Variants in TMEM145 observed in about 807,000 individuals in gnomAD.
TMEM145 encodes transmembrane protein 145.
Under a neutral mutation model 68.5 loss-of-function variants are expected in TMEM145, and 46 were observed. The observed-to-expected ratio is 0.67, with a 90% CI of 0.53 to 0.86. The LOEUF (loss-of-function observed/expected upper bound fraction) is 0.86, where lower values mean the gene tolerates loss of function less well. Among genes scored for constraint, TMEM145 ranks in the 40% least tolerant of loss-of-function variants. TMEM145 has a pLI of 0.00. For synonymous variants in TMEM145, 255 were observed against 280.2 expected (o/e 0.91, Z 0.90); for missense variants, 570 against 645.8 (o/e 0.88, Z 1.27).
rs779826500 is a variant in TMEM145 at position 42,316,529 on chromosome 19, A to T, written c.695A>T (p.Asp232Val). The T allele has an allele frequency of 6.2e-7, 1 of 1,614,152 alleles. No homozygotes were observed. Among genetic ancestry groups the T allele is most frequent in the East Asian group, 2.2e-5 (1 of 44,886 alleles). Residue 232 changes from aspartate to valine, a missense_variant, in exon 9 of 15, where the codon GAT (aspartate) becomes GTT (valine). By Grantham distance (152) the Asp-to-Val change is radical. Coordinates refer to ENST00000301204, the MANE Select transcript of TMEM145 (RefSeq NM_173633.3). ...FCIYWGQYAT[D>V]GIGNESVKIL... Reference sequence around the variant, plus strand: ...ATCTACTGGGGTCAATATGCCACCGATGGCATTGGCAACGAGAGTGTGAAG... The same window carrying T: ...ATCTACTGGGGTCAATATGCCACCGTTGGCATTGGCAACGAGAGTGTGAAG...
At chr19:42,320,559 A>G (rs539110546) in intron 13 of TMEM145, 122 bp downstream of exon 13, 125 of 1,417,630 alleles carry the variant, frequency 8.8e-5, no homozygotes, top group Non-Finnish European at 1.1e-4. Flanking sequence ...CCTTTTAGTC[A>G]TTCTCCCTTT....
chr19:42,317,926 G>C, intron 12 of TMEM145, 45 bp downstream of exon 12: 3 of 1,608,844 alleles, frequency 1.9e-6, no homozygotes, highest in Non-Finnish European at 2.6e-6. Context: ...CCCTCTCGGG[G>C]CTCCCCAGAA....
At chr19:42,316,586 A>T (rs1469570374) in intron 9 of TMEM145, 25 bp downstream of exon 9, 1 of 1,613,772 alleles carries the variant, frequency 6.2e-7, no homozygotes, top group South Asian at 1.1e-5. Flanking sequence ...GGGTGGGGAG[A>T]GGGTGGAGCC....
chr19:42,324,304 G>C (rs1244900855), intron 14 of TMEM145: 3 of 985,248 alleles, frequency 3.0e-6, no homozygotes, highest in South Asian at 9.4e-5. Flanking sequence ...AGGAGACAGC[G>C]GTGGCGGCGG....
intron 13 of TMEM145, chr19:42,321,368 A>T (rs953214899): frequency 8.7e-6 from 3 of 343,500 alleles, no homozygotes; most frequent in Non-Finnish European, 1.5e-5. Context: ...GGAGCACGCC[A>T]CCATGCCCGG....
intron 13 of TMEM145, chr19:42,321,533 G>C (rs748285978): frequency 2.3e-5 from 4 of 174,868 alleles, no homozygotes; most frequent in Admixed American, 6.3e-5. Context: ...GGGACTACAG[G>C]CGCCCACCAC....
At chr19:42,316,444 C>T in intron 8 of TMEM145, 37 bp from the exon 9 acceptor site, 4 of 1,598,480 alleles carry the variant, frequency 2.5e-6, no homozygotes, top group African/African-American at 2.7e-5. Context: ...CCCAGAGCTG[C>T]TTTCTATCCT....
rs879674955 is a variant in TMEM145, at chr19:42,315,460, C to G, written c.646+20C>G. 6.2e-7 allele frequency: 1 copy of G among 1,613,678 alleles called. No individual in the cohort carries two copies. Among genetic ancestry groups the G allele is most frequent in the Non-Finnish European group, 8.5e-7 (1 of 1,179,860 alleles). On this transcript the variant is annotated intron_variant, in intron 8 of 14. Transcript: ENST00000301204. ...TAGAGGGTGAGGTTCCGTGTCCCAA[C>G]TTTTGGGTTCTGAAAGAGAAGGCAC... is the stretch of plus-strand genomic sequence containing the variant.
chr19:42,315,264 G>A lies in TMEM145; in HGVS notation c.577+5G>A, dbSNP rs1568546645. 6.2e-7 allele frequency: 1 copy of A among 1,610,734 alleles called. No individual in the cohort carries two copies. The highest frequency in any genetic ancestry group is 8.5e-7 in the Non-Finnish European group (1 of 1,177,524). ...TCCTCTCTTGTTACTTTGGATGTGA[G>A]TCTGGCACATGGGGTGTGGGGGAAG... On this transcript the variant is annotated splice_donor_5th_base_variant and intron_variant, in intron 7 of 14. Transcript: ENST00000301204.
At position 42,316,894 on chromosome 19, in the gene TMEM145, C is replaced by T. The variant is rs1255988552; in HGVS notation, c.831C>T (p.Ser277=). 8.7e-6 allele frequency: 14 copies of T among 1,613,584 alleles called. No individual in the cohort carries two copies. The highest frequency in any genetic ancestry group is 2.2e-5 in the South Asian group (2 of 91,080). ...VTRGRISHAG[S]VKLSVYMTLY... is the part of the protein sequence containing the mutation. ...GGGGCCGCATCAGCCACGCGGGCTC[C>T]GTGAAGTTGTCTGTCTACATGACCC... is the stretch of plus-strand genomic sequence containing the variant. Residue 277 remains serine, a synonymous_variant, in exon 11 of 15, where the codon TCC becomes TCT. Coordinates refer to ENST00000301204, the MANE Select transcript of TMEM145 (RefSeq NM_173633.3).
Position 42,314,988 on chromosome 19 carries a change from C to G in TMEM145, c.421-5C>G, listed in dbSNP as rs368406776. 6.2e-6 allele frequency: 10 copies of G among 1,614,050 alleles called. No individual in the cohort carries two copies. Among genetic ancestry groups the G allele is most frequent in the African/African-American group, 5.3e-5 (4 of 74,928 alleles). ...GCCCCCCTTAGGCCTCCCTACCCCC[C>G]ACAGGGTGATGGATTGCAGCTGGAG... On this transcript the variant is annotated splice_region_variant and splice_polypyrimidine_tract_variant and intron_variant, in intron 5 of 14. Coordinates refer to ENST00000301204, the MANE Select transcript of TMEM145 (RefSeq NM_173633.3).
At chr19:42,316,398 G>T in intron 8 of TMEM145, 83 bp from the exon 9 acceptor site, 2 of 1,350,102 alleles carry the variant, frequency 1.5e-6, no homozygotes, top group South Asian at 2.4e-5. Context: ...GCGGGATTCA[G>T]ACTGCCTGGA....
intron 8 of TMEM145, 73 bp from the exon 9 acceptor site, chr19:42,316,408 A>C (rs2038857958): frequency 7.1e-7 from 1 of 1,415,166 alleles, no homozygotes; most frequent in Admixed American, 1.7e-5. Context: ...GACTGCCTGG[A>C]TGGTAGTGCT....
chr19:42,323,937 C>G (rs2038938678), intron 14 of TMEM145, 148 bp downstream of exon 14: 1 of 707,870 alleles, frequency 1.4e-6, no homozygotes, highest in Non-Finnish European at 2.2e-6. Flanking sequence ...AACACCGCGC[C>G]GCGACCGTCC....
At chr19:42,317,927 C>A (rs757066675) in intron 12 of TMEM145, 46 bp downstream of exon 12, 2 of 1,607,924 alleles carry the variant, frequency 1.2e-6, no homozygotes, top group Non-Finnish European at 1.7e-6. Context: ...CCTCTCGGGG[C>A]TCCCCAGAAG....
rs769041322 is a variant in TMEM145 at position 42,314,683 on chromosome 19, C to T, written c.344C>T (p.Ala115Val). The change falls in exon 4 of 15, where the codon GCC (alanine) becomes GTC (valine). Residue 115 changes from alanine to valine, a missense_variant. Coordinates refer to ENST00000301204, the MANE Select transcript of TMEM145 (RefSeq NM_173633.3). ...GTCATCAACCTCACCACCCAGTATG[C>T]CTGGTCCGGCTGTCAGGTGCAGGCT... ...NQVINLTTQYAWSGCQVVSEE... is the reference protein window; with the variant it reads ...NQVINLTTQYVWSGCQVVSEE... 3.1e-6 allele frequency: 5 copies of T among 1,614,216 alleles called. No individual in the cohort carries two copies. The highest frequency in any genetic ancestry group is 3.4e-6 in the Non-Finnish European group (4 of 1,180,038).
At chr19:42,324,636 T>TG in intron 14 of TMEM145, 101 bp from the exon 15 acceptor site, 1 of 614,080 alleles carries the variant, frequency 1.6e-6, no homozygotes, top group Non-Finnish European at 1.9e-6. Context: ...TTCCCGACCC[T>TG]TCCCACCCCG....
rs542833087 is a variant in TMEM145, at chr19:42,316,046, C to G, written c.647-435C>G. ...CTCTGTCTCAAAAAACAAAACAAAA[C>G]AAAACAAAACAATAAAGGCCTGAAC... On this transcript the variant is annotated intron_variant, in intron 8 of 14. Transcript: ENST00000301204. Among the ~76,000 whole-genome samples the G allele has an allele frequency of 2.6e-5, 4 of 151,494 alleles. No individual in the cohort carries two copies. In the South Asian group the frequency reaches 8.4e-4, roughly 32 times the overall value.
intron 8 of TMEM145, among the ~76,000 whole-genome samples, chr19:42,315,728 G>T (rs754571700): frequency 1.3e-5 from 2 of 151,962 alleles, no homozygotes; most frequent in African/African-American, 2.4e-5. Context: ...GGGTCCTTGA[G>T]GGAGTATAAA....
Sources: allele counts gnomAD v4.1 joint callset (sites outside exome capture counted in the v4.1 genomes callset), GRCh38; gene constraint gnomAD v4.1.1; transcripts MANE v1.5; gene names NCBI Gene and HGNC (gene_info 2026-07-23, HGNC 2026-07-21).